Variants in CSMD1 observed in about 807,000 individuals in gnomAD.
CSMD1 encodes CUB and sushi domain-containing protein 1.
Under a neutral mutation model 417.5 loss-of-function variants are expected in CSMD1, and 213 were observed. The observed-to-expected ratio is 0.51, with a 90% CI of 0.46 to 0.57. The LOEUF (loss-of-function observed/expected upper bound fraction) is 0.57, where lower values mean the gene tolerates loss of function less well. Among genes scored for constraint, CSMD1 ranks in the 20% least tolerant of loss-of-function variants. CSMD1 has a pLI of 0.00. For synonymous variants in CSMD1, 2,862 were observed against 1,736.8 expected, an observed-to-expected ratio of 1.65 and a Z score of -16.11; for missense variants, 6,923 against 4,529.7, an observed-to-expected ratio of 1.53 and a Z score of -15.17.
intron 5 of CSMD1, among the ~76,000 whole-genome samples, chr8:3,841,351 T>C (rs1803120211): frequency 6.6e-6 from 1 of 152,206 alleles, no homozygotes; most frequent in African/African-American, 2.4e-5. Flanking sequence ...TGGACTTCTT[T>C]AACCATGCTT....
chr8:3,869,426 T>C (rs1297502241), intron 5 of CSMD1, among the ~76,000 whole-genome samples: 1 of 152,170 alleles, frequency 6.6e-6, no homozygotes, highest in Non-Finnish European at 1.5e-5. Flanking sequence ...TTTTCTCCAA[T>C]CCTGTCCTGC....
chr8:4,149,292 A>G (rs1338296942), intron 3 of CSMD1, among the ~76,000 whole-genome samples: 1 of 152,206 alleles, frequency 6.6e-6, no homozygotes, highest in Non-Finnish European at 1.5e-5. Context: ...AAAAAAAGTA[A>G]AGATAAGCTT....
intron 3 of CSMD1, among the ~76,000 whole-genome samples, chr8:4,264,825 A>G (rs1170148018): frequency 6.6e-6 from 1 of 152,168 alleles, no homozygotes; most frequent in South Asian, 2.1e-4. Context: ...CCTCATCAAT[A>G]AACTAAGGAT....
intron 3 of CSMD1, among the ~76,000 whole-genome samples, chr8:4,260,071 G>T (rs528204650): frequency 6.6e-5 from 10 of 151,664 alleles, no homozygotes; most frequent in Non-Finnish European, 1.3e-4. Flanking sequence ...TTGTCTTAGA[G>T]ATCACAAACA....
At chr8:4,407,293 A>G (rs1235807733) in intron 3 of CSMD1, among the ~76,000 whole-genome samples, 1 of 152,234 alleles carries the variant, frequency 6.6e-6, no homozygotes, top group East Asian at 1.9e-4. Flanking sequence ...TCATAGGAAT[A>G]AAATCACTGC....
chr8:2,973,816 G>GTGGTAGAGGATGA lies in CSMD1; in HGVS notation c.8741-530_8741-518dup, dbSNP rs1317048352. ...CCAAAGAGGACCCATGCGGTTAATGGTGGTAGAGGATGATGGTAGAGGATG... is the reference window on the plus strand; with the variant it reads ...CCAAAGAGGACCCATGCGGTTAATGGTGGTAGAGGATGATGGTAGAGGATGATGGTAGAGGATG... On this transcript the variant is annotated intron_variant, in intron 56 of 69. Transcript: ENST00000635120. 1.8e-4 allele frequency among the ~76,000 whole-genome samples: 27 copies of GTGGTAGAGGATGA among 151,356 alleles called. 1 individual carries two copies. Among genetic ancestry groups the GTGGTAGAGGATGA allele is most frequent in the South Asian group, 4.2e-4 (2 of 4,764 alleles).
At chr8:4,185,809 C>T (rs1490312538) in intron 3 of CSMD1, among the ~76,000 whole-genome samples, 2 of 152,138 alleles carry the variant, frequency 1.3e-5, no homozygotes, top group Non-Finnish European at 1.5e-5. Context: ...AGACCCAGTG[C>T]CAGAGTCAGA....
intron 3 of CSMD1, among the ~76,000 whole-genome samples, chr8:4,337,642 G>A (rs532926003): frequency 5.3e-5 from 8 of 152,214 alleles, no homozygotes; most frequent in South Asian, 2.1e-4. Context: ...GAACTATTCC[G>A]TTGACTTACA....
intron 12 of CSMD1, among the ~76,000 whole-genome samples, chr8:3,438,695 C>G (rs1384633615): frequency 6.6e-6 from 1 of 152,138 alleles, no homozygotes; most frequent in Non-Finnish European, 1.5e-5. Flanking sequence ...ATGACTAAAG[C>G]TGCTACACAT....
chr8:3,566,998 G>A lies in CSMD1; in HGVS notation c.1344+7947C>T, dbSNP rs6987074. On this transcript the variant is annotated intron_variant, in intron 10 of 69. Transcript: ENST00000635120. ...GGTATAAGTTCATTGCAGCACTATTGACAATAGAAAATACATGGAGTCAAC... is the reference window on the plus strand; with the variant it reads ...GGTATAAGTTCATTGCAGCACTATTAACAATAGAAAATACATGGAGTCAAC... Among the ~76,000 whole-genome samples the A allele has an allele frequency of 7.9e-5, 12 of 152,308 alleles. No homozygotes were observed. The South Asian group carries it at 2.1e-3, about 26-fold the overall frequency.
At chr8:4,475,788 T>A (rs2034692198) in intron 2 of CSMD1, among the ~76,000 whole-genome samples, 3 of 151,968 alleles carry the variant, frequency 2.0e-5, no homozygotes, top group Admixed American at 1.3e-4. Flanking sequence ...AATTTTTGTA[T>A]TTTTAGTACA....
intron 3 of CSMD1, among the ~76,000 whole-genome samples, chr8:4,321,391 A>T (rs1009854713): frequency 6.6e-6 from 1 of 152,014 alleles, no homozygotes; most frequent in Non-Finnish European, 1.5e-5. Flanking sequence ...CAATCAGAAG[A>T]GTTTTTTTCA....
intron 22 of CSMD1, among the ~76,000 whole-genome samples, chr8:3,344,339 T>C (rs1248726649): frequency 2.0e-5 from 3 of 152,184 alleles, no homozygotes; most frequent in East Asian, 1.9e-4. Context: ...AAATACCTAA[T>C]GCATGCGGGG....
chr8:3,670,573 T>TTGC (rs1798945936), intron 7 of CSMD1, among the ~76,000 whole-genome samples: 2 of 146,996 alleles, frequency 1.4e-5, no homozygotes, highest in African/African-American at 5.0e-5. Context: ...GATATATATA[T>TTGC]ATGGGATATA....
In CSMD1 at chr8:4,374,747, T is replaced by G. The variant is rs1429432095; in HGVS notation, c.415+45206A>C. Among the ~76,000 whole-genome samples, 6 of 152,164 alleles carry G rather than the reference T, an allele frequency of 3.9e-5. No individual in the cohort carries two copies. In the South Asian group the frequency reaches 1.2e-3, roughly 32 times the overall value. On this transcript the variant is annotated intron_variant, in intron 3 of 69. Transcript: ENST00000635120. ...AGACTAAGCATGAGCAGCAGAGACG[T>G]CCAAGTGGTTCTTGTCTAATGAATG...
rs145260809 is a variant in CSMD1, at chr8:3,352,689, C to T, written c.3305-4528G>A. Among the ~76,000 whole-genome samples, 901 of 152,084 alleles carry T rather than the reference C, an allele frequency of 5.9e-3. 13 individuals carry two copies. Among genetic ancestry groups the T allele is most frequent in the African/African-American group, 0.021 (854 of 41,496 alleles). ...ACCCTATCTCTATTAAAAATACAAACATTAACCTCGCATGGTGGTGCATGC... is the reference window on the plus strand; with the variant it reads ...ACCCTATCTCTATTAAAAATACAAATATTAACCTCGCATGGTGGTGCATGC... On this transcript the variant is annotated intron_variant, in intron 21 of 69. Transcript: ENST00000635120.
intron 3 of CSMD1, among the ~76,000 whole-genome samples, chr8:4,158,360 A>C (rs1796954684): frequency 6.6e-6 from 1 of 152,114 alleles, no homozygotes; most frequent in African/African-American, 2.4e-5. Flanking sequence ...GAAAACCCGA[A>C]AGAAATAGTA....
At chr8:3,764,720 G>A (rs997434102) in intron 5 of CSMD1, among the ~76,000 whole-genome samples, 1 of 149,392 alleles carries the variant, frequency 6.7e-6, no homozygotes, top group Non-Finnish European at 1.5e-5. Flanking sequence ...CTAAATCACA[G>A]CACTGCCCTT....
At chr8:4,366,019 C>A (rs966117473) in intron 3 of CSMD1, among the ~76,000 whole-genome samples, 2 of 152,078 alleles carry the variant, frequency 1.3e-5, no homozygotes, top group African/African-American at 2.4e-5. Flanking sequence ...AGGAATGAGC[C>A]TGTCGCCCAG....
Sources: allele counts gnomAD v4.1 joint callset (sites outside exome capture counted in the v4.1 genomes callset), GRCh38; gene constraint gnomAD v4.1.1; transcripts MANE v1.5; gene names NCBI Gene and HGNC (gene_info 2026-07-23, HGNC 2026-07-21).